Variants in CALCRL observed in about 807,000 individuals in gnomAD.
CALCRL encodes the protein calcitonin receptor like receptor, also known as calcitonin gene-related peptide type 1 receptor.
CALCRL carries 27 observed loss-of-function variants against 60.4 expected under a neutral mutation model. The ratio of observed to expected loss-of-function variants is 0.45; its 90% CI spans 0.33 to 0.62. The LOEUF (loss-of-function observed/expected upper bound fraction) is 0.62. Among genes scored for constraint, CALCRL ranks in the 20% least tolerant of loss-of-function variants. The pLI is 0.03. For missense variants in CALCRL, 424 were observed against 540.7 expected, an observed-to-expected ratio of 0.78 and a Z score of 2.14; for synonymous variants, 190 against 182.6, an observed-to-expected ratio of 1.04 and a Z score of -0.33.
Position 187,387,754 on chromosome 2 carries a change from G to T in CALCRL, c.-290C>A, listed in dbSNP as rs755025741. 13 of 396,548 alleles carry T rather than the reference G, an allele frequency of 3.3e-5. No homozygotes were observed. Among genetic ancestry groups the T allele is most frequent in the Non-Finnish European group, 5.3e-5 (12 of 224,922 alleles). 24.6% of individuals were successfully genotyped at this position (396,548 alleles called of 1,614,324 possible). On this transcript the variant is annotated splice_region_variant and 5_prime_UTR_variant, in exon 2 of 15. Coordinates refer to ENST00000392370, the MANE Select transcript of CALCRL (RefSeq NM_005795.6). ...AGAATTTCTTAAATTCAGGGGTCAA[G>T]ACCTGAAATATTGATGAATGTAATA... is the stretch of plus-strand genomic sequence containing the variant.
At chr2:187,444,683 TCACAG>T (rs1559082794) in intron 1 of CALCRL, among the ~76,000 whole-genome samples, 1 of 151,512 alleles carries the variant, frequency 6.6e-6, no homozygotes, top group Non-Finnish European at 1.5e-5. Flanking sequence ...CTAACTCAGT[TCACAG>T]GCAGTGATAC....
intron 1 of CALCRL, among the ~76,000 whole-genome samples, chr2:187,418,618 C>T (rs1017791380): frequency 6.6e-6 from 1 of 152,072 alleles, no homozygotes; most frequent in Non-Finnish European, 1.5e-5. Context: ...GCATTTAAGA[C>T]AGCTCATAGT....
At position 187,433,959 on chromosome 2, in the gene CALCRL, T is replaced by A. The variant is rs574360225; in HGVS notation, c.-293+14080A>T. On this transcript the variant is annotated intron_variant, in intron 1 of 14. Transcript: ENST00000392370. Reference sequence around the variant, plus strand: ...TTTTACAATAGGTAGAGAGACACAATCACTCTCAGGAGATATGTAAGCTTC... The same window carrying A: ...TTTTACAATAGGTAGAGAGACACAAACACTCTCAGGAGATATGTAAGCTTC... Among the ~76,000 whole-genome samples, 3 of 152,034 alleles carry A rather than the reference T, an allele frequency of 2.0e-5. No homozygotes were observed. In the South Asian group the frequency reaches 6.2e-4, roughly 31 times the overall value.
At chr2:187,393,766 GATC>G (rs1688546419) in intron 1 of CALCRL, among the ~76,000 whole-genome samples, 1 of 152,028 alleles carries the variant, frequency 6.6e-6, no homozygotes, top group African/African-American at 2.4e-5. Flanking sequence ...CATAAAAAAA[GATC>G]ATTGCCTCGA....
chr2:187,379,260 AT>A (rs1188396132), intron 7 of CALCRL, among the ~76,000 whole-genome samples: 4 of 151,984 alleles, frequency 2.6e-5, no homozygotes, highest in Admixed American at 6.5e-5. Flanking sequence ...ATGCCTTTTT[AT>A]TTTTTTAATA....
At chr2:187,410,029 C>G (rs1019954301) in intron 1 of CALCRL, among the ~76,000 whole-genome samples, 8 of 152,100 alleles carry the variant, frequency 5.3e-5, no homozygotes, top group African/African-American at 1.9e-4. Flanking sequence ...ACTGGCAAAC[C>G]TGTGTTTTCA....
At chr2:187,441,776 C>T (rs1445243947) in intron 1 of CALCRL, 1 of 151,772 alleles carries the variant, frequency 6.6e-6, no homozygotes, top group Non-Finnish European at 1.5e-5. Context: ...AAATATGCTA[C>T]TCTTGACCAC....
chr2:187,376,029 G>T (rs1687742933), intron 8 of CALCRL, among the ~76,000 whole-genome samples: 1 of 152,058 alleles, frequency 6.6e-6, no homozygotes. Flanking sequence ...CCCTGATATG[G>T]AGATTATATA....
At chr2:187,369,448 C>G (rs987019532) in intron 8 of CALCRL, among the ~76,000 whole-genome samples, 1 of 152,152 alleles carries the variant, frequency 6.6e-6, no homozygotes, top group Non-Finnish European at 1.5e-5. Context: ...TATTTAACAA[C>G]TCCTTGAAGT....
intron 4 of CALCRL, 37 bp downstream of exon 4, chr2:187,385,508 C>T: frequency 9.9e-7 from 1 of 1,013,200 alleles, no homozygotes; most frequent in Non-Finnish European, 1.5e-6. Flanking sequence ...ATACTGGAAG[C>T]AATAACAGAC....
At chr2:187,385,389 A>G (rs993745579) in intron 4 of CALCRL, among the ~76,000 whole-genome samples, 156 bp downstream of exon 4, 6 of 152,138 alleles carry the variant, frequency 3.9e-5, no homozygotes, top group Admixed American at 3.3e-4. Flanking sequence ...TTATAGGACT[A>G]AAAGCATACA....
chr2:187,380,993 T>A (rs910026255), intron 5 of CALCRL, among the ~76,000 whole-genome samples: 5 of 152,012 alleles, frequency 3.3e-5, no homozygotes, highest in African/African-American at 1.2e-4. Context: ...AAATTAAATT[T>A]AAAAATATCT....
intron 1 of CALCRL, among the ~76,000 whole-genome samples, chr2:187,437,428 G>C (rs1681147262): frequency 6.6e-6 from 1 of 151,998 alleles, no homozygotes; most frequent in African/African-American, 2.4e-5. Flanking sequence ...AGTAGAGACG[G>C]GGTTTCTTTC....
chr2:187,398,247 G>C (rs560573997), intron 1 of CALCRL, among the ~76,000 whole-genome samples: 29 of 151,744 alleles, frequency 1.9e-4, no homozygotes, highest in African/African-American at 6.5e-4. Context: ...TGGAATGAGA[G>C]CCTTATACTT....
At chr2:187,422,872 G>A (rs1261916003) in intron 1 of CALCRL, among the ~76,000 whole-genome samples, 1 of 151,904 alleles carries the variant, frequency 6.6e-6, no homozygotes, top group Non-Finnish European at 1.5e-5. Context: ...AATTTTTAGT[G>A]TAAAATATGA....
intron 14 of CALCRL, among the ~76,000 whole-genome samples, chr2:187,347,440 T>C (rs1686331304): frequency 6.6e-6 from 1 of 151,854 alleles, no homozygotes; most frequent in Non-Finnish European, 1.5e-5. Context: ...CCAAAGGGAA[T>C]CTGAGCATCT....
chr2:187,432,667 A>G (rs190709835), intron 1 of CALCRL, among the ~76,000 whole-genome samples: 2 of 152,110 alleles, frequency 1.3e-5, no homozygotes, highest in African/African-American at 4.8e-5. Context: ...AAAATTAACT[A>G]ACACATTTTA....
At chr2:187,372,258 C>T (rs925391438) in intron 8 of CALCRL, among the ~76,000 whole-genome samples, 1 of 151,240 alleles carries the variant, frequency 6.6e-6, no homozygotes, top group Non-Finnish European at 1.5e-5. Context: ...GAGATTTGCT[C>T]TGCTCTCTGA....
chr2:187,438,643 A>T, intron 1 of CALCRL, among the ~76,000 whole-genome samples: 1 of 152,122 alleles, frequency 6.6e-6, no homozygotes. Flanking sequence ...TTGGCAAGTC[A>T]GCCAGTTTCA....
Sources: allele counts gnomAD v4.1 joint callset (sites outside exome capture counted in the v4.1 genomes callset), GRCh38; gene constraint gnomAD v4.1.1; transcripts MANE v1.5; gene names NCBI Gene and HGNC (gene_info 2026-07-23, HGNC 2026-07-21).